LRRC37A2: variants seen among roughly 807,000 people sequenced by gnomAD.
LRRC37A2 encodes leucine-rich repeat-containing protein 37A2.
Under a neutral mutation model 68.8 loss-of-function variants are expected in LRRC37A2, and 9 were observed. The ratio of observed to expected loss-of-function variants is 0.13; its 90% CI spans 0.08 to 0.23. LRRC37A2 has a LOEUF of 0.23. Ranked by LOEUF, LRRC37A2 falls within the 10% of genes least tolerant of loss-of-function variation. LRRC37A2 has a pLI of 1.00. For synonymous variants in LRRC37A2, 63 were observed against 367.6 expected, an observed-to-expected ratio of 0.17 and a Z score of 9.48; for missense variants, 168 against 950.4, an observed-to-expected ratio of 0.18 and a Z score of 10.82.
the LRRC37A2 span, among the ~76,000 whole-genome samples, chr17:46,903,953 A>G: frequency 0.034 from 4,978 of 148,214 alleles, 89 homozygotes; most frequent in Middle Eastern, 0.079. Context: ...GATGGATGAA[A>G]GGGTTGGATG....
chr17:46,854,315 G>A, the LRRC37A2 span, among the ~76,000 whole-genome samples: 7 of 152,202 alleles, frequency 4.6e-5, 1 homozygote, highest in South Asian at 6.2e-4. Flanking sequence ...GAGGCAAAGC[G>A]CTTCTTCCTC....
the LRRC37A2 span, among the ~76,000 whole-genome samples, chr17:46,759,947 A>G: frequency 2.0e-5 from 3 of 152,222 alleles, no homozygotes; most frequent in Non-Finnish European, 4.4e-5. Context: ...GTTCAAGCAC[A>G]GCTATCAACT....
chr17:46,820,708 A>G, the LRRC37A2 span, among the ~76,000 whole-genome samples: 1 of 152,146 alleles, frequency 6.6e-6, no homozygotes, highest in Non-Finnish European at 1.5e-5. Flanking sequence ...AGCTTTCCAC[A>G]TACCTCCCTC....
chr17:46,896,438 GAA>G, the LRRC37A2 span, among the ~76,000 whole-genome samples: 30 of 102,832 alleles, frequency 2.9e-4, no homozygotes, highest in African/African-American at 1.5e-3. Context: ...AAGAAAGAAA[GAA>G]AGAAAGAAAG....
the LRRC37A2 span, among the ~76,000 whole-genome samples, chr17:46,869,386 C>T: frequency 6.6e-6 from 1 of 152,318 alleles, no homozygotes; most frequent in African/African-American, 2.4e-5. Flanking sequence ...ATTGCTCCCT[C>T]CAGGGTCTCT....
At chr17:46,858,637 G>A in the LRRC37A2 span, among the ~76,000 whole-genome samples, 5 of 152,058 alleles carry the variant, frequency 3.3e-5, no homozygotes, top group Non-Finnish European at 7.4e-5. Flanking sequence ...TTCTCATACA[G>A]CCCCTTCTCT....
the LRRC37A2 span, chr17:46,930,964 G>C: frequency 1.5e-6 from 1 of 672,800 alleles, no homozygotes; most frequent in Non-Finnish European, 2.7e-6. Context: ...TTATTCATTA[G>C]TGTATACATT....
At chr17:47,018,911 G>C in the LRRC37A2 span, 2 of 1,518,982 alleles carry the variant, frequency 1.3e-6, no homozygotes, top group African/African-American at 2.8e-5. Context: ...CCCCAACTCA[G>C]CCTCCTAAGA....
At chr17:46,808,101 G>T in the LRRC37A2 span, among the ~76,000 whole-genome samples, 1 of 152,206 alleles carries the variant, frequency 6.6e-6, no homozygotes, top group Admixed American at 6.5e-5. Context: ...CTTAGTGCTG[G>T]AAGGAATCTG....
At chr17:46,892,963 G>T in the LRRC37A2 span, among the ~76,000 whole-genome samples, 2 of 151,634 alleles carry the variant, frequency 1.3e-5, no homozygotes, top group Non-Finnish European at 2.9e-5. Flanking sequence ...TTGAGATGGA[G>T]TCTTGCTCTG....
chr17:47,047,919 C>T, the LRRC37A2 span, among the ~76,000 whole-genome samples: 1 of 151,358 alleles, frequency 6.6e-6, no homozygotes, highest in South Asian at 2.1e-4. Flanking sequence ...TTAGCATCAA[C>T]TTCATGACTT....
the LRRC37A2 span, among the ~76,000 whole-genome samples, chr17:46,781,703 C>A: frequency 1.3e-5 from 2 of 152,162 alleles, no homozygotes; most frequent in African/African-American, 4.8e-5. Context: ...CTGAATAGTA[C>A]ACTTTAAAAT....
chr17:47,043,540 T>C, the LRRC37A2 span, among the ~76,000 whole-genome samples: 1 of 151,238 alleles, frequency 6.6e-6, no homozygotes, highest in Non-Finnish European at 1.5e-5. Flanking sequence ...AAAGCGCTCA[T>C]AGTCCAGGAG....
chr17:46,729,309 G>A, the LRRC37A2 span, among the ~76,000 whole-genome samples: 1 of 152,088 alleles, frequency 6.6e-6, no homozygotes, highest in African/African-American at 2.4e-5. Context: ...ATAATTTCAT[G>A]GGTTTTCCTA....
chr17:46,747,349 C>T, the LRRC37A2 span, among the ~76,000 whole-genome samples: 3 of 152,156 alleles, frequency 2.0e-5, no homozygotes, highest in East Asian at 1.9e-4. Context: ...GGTGCCATCT[C>T]GGCTCACTCC....
the LRRC37A2 span, chr17:46,931,109 C>A: frequency 6.3e-7 from 1 of 1,584,044 alleles, no homozygotes; most frequent in South Asian, 1.1e-5. Context: ...TAGTAGAAAA[C>A]GAAATCCAAG....
the LRRC37A2 span, among the ~76,000 whole-genome samples, chr17:46,810,242 A>T: frequency 1.3e-5 from 2 of 152,070 alleles, no homozygotes; most frequent in African/African-American, 2.4e-5. Context: ...TCCTGACCTC[A>T]GGTGATCCAC....
the LRRC37A2 span, among the ~76,000 whole-genome samples, chr17:46,896,428 AAG>A: frequency 3.7e-4 from 32 of 85,876 alleles, 2 homozygotes; most frequent in African/African-American, 1.1e-3. Flanking sequence ...GAAAGAAAGA[AAG>A]AAAGAAAGAA....
chr17:46,601,405 CTT>C, the LRRC37A2 span, among the ~76,000 whole-genome samples: 6 of 41,640 alleles, frequency 1.4e-4, no homozygotes, highest in East Asian at 4.2e-4. Context: ...TATAATTACC[CTT>C]TTTTTTTTTT....
Sources: gnomAD v4.1 joint callset for allele counts (sites outside exome capture counted in the v4.1 genomes callset) on GRCh38, gnomAD v4.1.1 for gene constraint, MANE v1.5 for transcripts, NCBI Gene and HGNC (gene_info 2026-07-23, HGNC 2026-07-21) for gene names.